The following SOX5 variants were observed in gnomAD, a reference collection of about 807,000 sequenced individuals.
SOX5 encodes the protein SRY-box transcription factor 5.
SOX5 carries 9 observed loss-of-function variants against 92.0 expected under a neutral mutation model. The ratio of observed to expected loss-of-function variants is 0.10; its 90% CI spans 0.06 to 0.17. The LOEUF is 0.17. Among genes scored for constraint, SOX5 ranks in the 10% least tolerant of loss-of-function variants. The pLI, the probability that SOX5 is intolerant of heterozygous loss-of-function variation, is 1.00. For synonymous variants in SOX5, 344 were observed against 336.3 expected, an observed-to-expected ratio of 1.02 and a Z score of -0.25; for missense variants, 642 against 944.5, an observed-to-expected ratio of 0.68 and a Z score of 4.20.
chr12:24,481,606 A>G (rs1946007490), intron 1 of SOX5, among the ~76,000 whole-genome samples: 1 of 152,210 alleles, frequency 6.6e-6, no homozygotes, highest in Admixed American at 6.5e-5. Flanking sequence ...GAATTCTAAG[A>G]ACCTGGACAG....
chr12:24,033,180 A>G (rs1955683834), intron 4 of SOX5, among the ~76,000 whole-genome samples: 1 of 151,966 alleles, frequency 6.6e-6, no homozygotes, highest in Non-Finnish European at 1.5e-5. Context: ...ATTTGTTGTT[A>G]TACATCTTTT....
intron 8 of SOX5, among the ~76,000 whole-genome samples, chr12:23,606,653 A>C (rs2075294060): frequency 6.6e-6 from 1 of 152,090 alleles, no homozygotes; most frequent in Non-Finnish European, 1.5e-5. Flanking sequence ...TTCCAAAGAA[A>C]TATAAGAACT....
intron 4 of SOX5, among the ~76,000 whole-genome samples, chr12:24,202,607 C>T (rs1207966250): frequency 1.3e-5 from 2 of 152,120 alleles, no homozygotes; most frequent in African/African-American, 4.8e-5. Context: ...CATCTCTTTC[C>T]ATCTGGGACA....
chr12:23,958,823 T>C (rs949775443), intron 4 of SOX5, among the ~76,000 whole-genome samples: 3 of 151,462 alleles, frequency 2.0e-5, no homozygotes, highest in Admixed American at 1.3e-4. Flanking sequence ...TATTAAAGAA[T>C]CAATTTAAAA....
At chr12:23,949,797 T>TC (rs1443426056), upstream of SOX5, 9 of 451,878 alleles carry the variant, frequency 2.0e-5, no homozygotes, top group East Asian at 8.7e-5. Context: ...TCTCTCTTTC[T>TC]CCCCCCCTCC....
chr12:24,149,869 T>A (rs1465343893), intron 4 of SOX5, among the ~76,000 whole-genome samples: 1 of 152,158 alleles, frequency 6.6e-6, no homozygotes. Context: ...CACAATGACA[T>A]GGATAAACCT....
chr12:23,879,587 T>C (rs1381852345), intron 2 of SOX5, among the ~76,000 whole-genome samples: 1 of 152,180 alleles, frequency 6.6e-6, no homozygotes, highest in Non-Finnish European at 1.5e-5. Context: ...AGGACAGATG[T>C]AACTACTGAG....
At chr12:23,949,996 C>G (rs1945338202), upstream of SOX5, among the ~76,000 whole-genome samples, 1 of 151,744 alleles carries the variant, frequency 6.6e-6, no homozygotes, top group East Asian at 1.9e-4. Context: ...TGTGAGAAGT[C>G]AACTCATTTA....
At chr12:23,540,782 C>G (rs7977455) in intron 13 of SOX5, among the ~76,000 whole-genome samples, 111,928 of 152,104 alleles carry the variant, frequency 0.74, 41,489 homozygotes, top group East Asian at 0.96. Flanking sequence ...ATGTCAACTA[C>G]GATCCCCAGA....
intron 3 of SOX5, among the ~76,000 whole-genome samples, chr12:23,811,684 G>C (rs2095877415): frequency 1.3e-5 from 2 of 152,066 alleles, no homozygotes; most frequent in South Asian, 4.1e-4. Flanking sequence ...ATGGTCAAAA[G>C]TGGCATATAT....
At chr12:23,604,591 A>T in intron 8 of SOX5, 58 bp from the exon 9 acceptor site, 2 of 1,525,614 alleles carry the variant, frequency 1.3e-6, no homozygotes, top group Non-Finnish European at 1.8e-6. Context: ...AAATAAACGT[A>T]CCATTCAGAA....
intron 4 of SOX5, among the ~76,000 whole-genome samples, chr12:24,180,898 A>T (rs990561998): frequency 6.6e-6 from 1 of 152,186 alleles, no homozygotes; most frequent in Non-Finnish European, 1.5e-5. Context: ...CAACTCACCC[A>T]TGGCTCACAC....
At chr12:23,924,836 G>C (rs1184020753) in intron 1 of SOX5, among the ~76,000 whole-genome samples, 1 of 151,784 alleles carries the variant, frequency 6.6e-6, no homozygotes, top group African/African-American at 2.4e-5. Context: ...AAAAAAGTTT[G>C]GTTAAGCTCA....
At chr12:23,724,053 CTT>C (rs986777279) in intron 6 of SOX5, among the ~76,000 whole-genome samples, 20 of 152,056 alleles carry the variant, frequency 1.3e-4, no homozygotes, top group Non-Finnish European at 5.9e-5. Context: ...AGGACAATCT[CTT>C]ATCTTGTTTT....
chr12:23,763,175 T>C (rs376429013), intron 3 of SOX5, among the ~76,000 whole-genome samples: 3 of 152,196 alleles, frequency 2.0e-5, no homozygotes, highest in African/African-American at 7.2e-5. Flanking sequence ...AACCTCTCTA[T>C]GCTTCCATTC....
chr12:24,293,132 ATC>A (rs1946806484), intron 2 of SOX5, among the ~76,000 whole-genome samples: 1 of 152,236 alleles, frequency 6.6e-6, no homozygotes, highest in Non-Finnish European at 1.5e-5. Flanking sequence ...GTCCAACAAG[ATC>A]TATTTTCCTT....
At chr12:24,163,226 A>T (rs1952976486) in intron 4 of SOX5, among the ~76,000 whole-genome samples, 1 of 152,290 alleles carries the variant, frequency 6.6e-6, no homozygotes. Context: ...AAATGACCTA[A>T]GGCAAATGAT....
chr12:24,346,102 TTCAAAG>T (rs1256461976), intron 2 of SOX5, among the ~76,000 whole-genome samples: 12 of 152,250 alleles, frequency 7.9e-5, no homozygotes, highest in Non-Finnish European at 1.2e-4. Context: ...TCTGCATTAC[TTCAAAG>T]TCAAACTTCC....
Position 23,755,743 on chromosome 12 carries a change from A to C in SOX5, c.482-19T>G. 1 of 1,480,884 alleles carries C rather than the reference A, an allele frequency of 6.8e-7. No homozygotes were observed. Among genetic ancestry groups the C allele is most frequent in the Middle Eastern group, 1.7e-4 (1 of 5,774 alleles). 91.7% of individuals were successfully genotyped at this position (1,480,884 alleles called of 1,614,324 possible). The stretch of plus-strand genomic sequence containing the variant: ...GGGGTTTCTAAGTAAAGAAAAAAAG[A>C]AGTGAGCAAATCAACATGACTCTCC... On this transcript the variant is annotated intron_variant, in intron 3 of 14. Coordinates refer to ENST00000451604, the MANE Select transcript of SOX5 (RefSeq NM_006940.6).
Sources: gnomAD v4.1 joint callset for allele counts (sites outside exome capture counted in the v4.1 genomes callset) on GRCh38, gnomAD v4.1.1 for gene constraint, MANE v1.5 for transcripts, NCBI Gene and HGNC (gene_info 2026-07-23, HGNC 2026-07-21) for gene names.